CSGALNACT1: variants seen among roughly 807,000 people sequenced by gnomAD.
CSGALNACT1 encodes the protein chondroitin sulfate N-acetylgalactosaminyltransferase 1.
In CSGALNACT1, 52 loss-of-function variants were observed where a neutral mutation model predicts 51.0. That is an observed-to-expected ratio of 1.02 (90% confidence interval 0.82 to 1.29). CSGALNACT1 has a LOEUF of 1.29. Ranked by LOEUF, CSGALNACT1 falls within the 50% of genes most tolerant of loss-of-function variation. The pLI is 0.00. For missense variants in CSGALNACT1, 935 were observed against 679.2 expected (o/e 1.38, Z -4.19); for synonymous variants, 341 against 254.4 (o/e 1.34, Z -3.24).
intron 4 of CSGALNACT1, among the ~76,000 whole-genome samples, chr8:19,488,256 A>C (rs939446965): frequency 4.0e-5 from 6 of 151,594 alleles, no homozygotes; most frequent in African/African-American, 1.5e-4. Context: ...AGGCTGAGGC[A>C]GGAGAATCGC....
chr8:19,662,122 T>C (rs1205461486), intron 1 of CSGALNACT1, among the ~76,000 whole-genome samples: 1 of 115,166 alleles, frequency 8.7e-6, no homozygotes, highest in African/African-American at 3.4e-5. Context: ...TTTATTGAAA[T>C]CCAGCAACTG....
chr8:19,754,525 A>G (rs978752906), intron 1 of CSGALNACT1, among the ~76,000 whole-genome samples: 6 of 152,250 alleles, frequency 3.9e-5, no homozygotes, highest in East Asian at 1.9e-4. Flanking sequence ...ATATTTTCAA[A>G]GTTTAAAAAA....
intron 4 of CSGALNACT1, among the ~76,000 whole-genome samples, chr8:19,481,712 C>T (rs35776249): frequency 2.6e-5 from 4 of 152,078 alleles, no homozygotes; most frequent in East Asian, 3.9e-4. Context: ...CTTTTCTACC[C>T]GGGCCATAGA....
chr8:19,754,723 C>T (rs1424516415), intron 1 of CSGALNACT1, among the ~76,000 whole-genome samples: 28 of 152,308 alleles, frequency 1.8e-4, no homozygotes, highest in African/African-American at 2.6e-4. Context: ...TATTCCATGT[C>T]GTGAACCCAG....
intron 1 of CSGALNACT1, among the ~76,000 whole-genome samples, chr8:19,706,477 C>T (rs2062173604): frequency 6.6e-6 from 1 of 152,172 alleles, no homozygotes; most frequent in Admixed American, 6.5e-5. Context: ...TAAAATCAGA[C>T]ACTGGAATAC....
chr8:19,537,962 T>C (rs956765259), intron 3 of CSGALNACT1, among the ~76,000 whole-genome samples: 10 of 152,154 alleles, frequency 6.6e-5, no homozygotes, highest in African/African-American at 1.9e-4. Flanking sequence ...AGCTATGGAC[T>C]GGGGAAAATA....
chr8:19,452,236 A>AGGTGAG (rs2063307872), intron 5 of CSGALNACT1, among the ~76,000 whole-genome samples: 3 of 152,234 alleles, frequency 2.0e-5, no homozygotes, highest in Admixed American at 2.0e-4. Context: ...ACACAGATTC[A>AGGTGAG]GGTGAGAGAA....
chr8:19,600,454 A>C (rs7003381), intron 2 of CSGALNACT1, among the ~76,000 whole-genome samples: 1 of 152,060 alleles, frequency 6.6e-6, no homozygotes, highest in Non-Finnish European at 1.5e-5. Context: ...TATGGTCTAC[A>C]TGGGGTTGTA....
At chr8:19,729,532 G>C (rs55732335) in intron 1 of CSGALNACT1, among the ~76,000 whole-genome samples, 24,233 of 152,162 alleles carry the variant, frequency 0.16, 2,555 homozygotes, top group East Asian at 0.39. Flanking sequence ...GGATGCTGTA[G>C]AGAGGTTTCA....
At chr8:19,426,313 G>C (rs536220106) in intron 6 of CSGALNACT1, among the ~76,000 whole-genome samples, 3 of 152,174 alleles carry the variant, frequency 2.0e-5, no homozygotes, top group Non-Finnish European at 4.4e-5. Flanking sequence ...ACATCAGAAA[G>C]AGGCTGTGAC....
intron 1 of CSGALNACT1, among the ~76,000 whole-genome samples, chr8:19,621,886 C>G (rs1375961675): frequency 2.0e-5 from 3 of 152,202 alleles, no homozygotes; most frequent in African/African-American, 7.2e-5. Flanking sequence ...AGAATATTTT[C>G]CACAATTTTT....
At chr8:19,649,845 A>AAAAAAAAAAC (rs1564347663) in intron 1 of CSGALNACT1, among the ~76,000 whole-genome samples, 8 of 143,630 alleles carry the variant, frequency 5.6e-5, no homozygotes, top group East Asian at 2.2e-4. Flanking sequence ...AAAAAAAAAA[A>AAAAAAAAAAC]CCACGGGGGG....
intron 1 of CSGALNACT1, among the ~76,000 whole-genome samples, chr8:19,619,908 C>A (rs956413910): frequency 1.3e-5 from 2 of 152,328 alleles, no homozygotes; most frequent in South Asian, 2.1e-4. Context: ...AAATCCCAGC[C>A]TGGTCACTTG....
intron 4 of CSGALNACT1, among the ~76,000 whole-genome samples, chr8:19,481,311 G>A (rs377185676): frequency 1.4e-4 from 21 of 152,104 alleles, no homozygotes; most frequent in African/African-American, 4.8e-4. Context: ...TGCTAGTCAC[G>A]GTCCTGTTTT....
At chr8:19,456,680 C>T (rs1217953480) in intron 5 of CSGALNACT1, among the ~76,000 whole-genome samples, 1 of 152,148 alleles carries the variant, frequency 6.6e-6, no homozygotes. Context: ...CAGAGGAACA[C>T]TGCAAACAAT....
At chr8:19,550,822 T>C (rs1339627449) in intron 3 of CSGALNACT1, among the ~76,000 whole-genome samples, 1 of 152,198 alleles carries the variant, frequency 6.6e-6, no homozygotes, top group Admixed American at 6.5e-5. Flanking sequence ...AGAAGGAAGA[T>C]AGCACCATTC....
chr8:19,646,911 T>C (rs2057329668), intron 1 of CSGALNACT1, among the ~76,000 whole-genome samples: 1 of 152,004 alleles, frequency 6.6e-6, no homozygotes, highest in Non-Finnish European at 1.5e-5. Flanking sequence ...TAAGGAGAAA[T>C]AACAACAATC....
intron 1 of CSGALNACT1, among the ~76,000 whole-genome samples, chr8:19,744,401 T>C (rs1480602984): frequency 1.3e-5 from 2 of 152,228 alleles, no homozygotes; most frequent in African/African-American, 2.4e-5. Flanking sequence ...CATATTTTCT[T>C]AACCACTTTT....
At chr8:19,641,201 T>C (rs544231509) in intron 1 of CSGALNACT1, among the ~76,000 whole-genome samples, 2 of 148,398 alleles carry the variant, frequency 1.3e-5, no homozygotes, top group East Asian at 4.1e-4. Flanking sequence ...CAACAAGACC[T>C]TCAAGTGTTC....
Sources: gnomAD v4.1 joint callset for allele counts (sites outside exome capture counted in the v4.1 genomes callset) on GRCh38, gnomAD v4.1.1 for gene constraint, MANE v1.5 for transcripts, NCBI Gene and HGNC (gene_info 2026-07-23, HGNC 2026-07-21) for gene names.